Variants in ZCCHC14 observed in about 807,000 individuals in gnomAD.
The protein encoded by ZCCHC14 is zinc finger CCHC domain-containing protein 14.
In ZCCHC14, 16 loss-of-function variants were observed where a neutral mutation model predicts 85.0. The ratio of observed to expected loss-of-function variants is 0.19; its 90% CI spans 0.13 to 0.29. The LOEUF is 0.29. ZCCHC14 is among the 10% of genes least tolerant of loss of function. ZCCHC14 has a pLI of 1.00. For synonymous variants in ZCCHC14, 775 were observed against 630.7 expected (o/e 1.23, Z -3.43); for missense variants, 1,303 against 1,443.5 (o/e 0.90, Z 1.58).
Position 87,412,447 on chromosome 16 carries a change from G to A in ZCCHC14, c.2274C>T (p.Ala758=), listed in dbSNP as rs2042395. 1,141,964 of 1,613,808 alleles carry A rather than the reference G, an allele frequency of 0.71. 422,248 individuals carry two copies. The highest frequency in any genetic ancestry group is 0.76 in the Non-Finnish European group (901,971 of 1,179,972). The change falls in exon 12 of 13, where the codon GCC becomes GCT. Residue 758 remains alanine, a synonymous_variant. Transcript: ENST00000671377. ...GGACTGTGCTGGGCGTCCCCGTGGC[G>A]GCCGTGCTGGTCTCCACGACCAGGG... ...QPALVVETST[A]ATGTPSTVLH... is the part of the protein sequence containing the mutation.
chr16:87,418,067 G>A (rs902058326), intron 7 of ZCCHC14: 4 of 341,936 alleles, frequency 1.2e-5, no homozygotes, highest in South Asian at 1.2e-4. Flanking sequence ...GTATGTGTAC[G>A]TCTCTGTCCC....
intron 8 of ZCCHC14, 99 bp from the exon 9 acceptor site, chr16:87,415,466 G>A (rs1908733318): frequency 9.8e-7 from 1 of 1,023,630 alleles, no homozygotes; most frequent in Admixed American, 2.1e-5. Flanking sequence ...TTCTGCCTCT[G>A]GGATATGCAA....
At chr16:87,490,656 C>CA (rs1912712209) in intron 1 of ZCCHC14, among the ~76,000 whole-genome samples, 1 of 152,212 alleles carries the variant, frequency 6.6e-6, no homozygotes. Context: ...CCCTCCCACT[C>CA]AAAGTCAGCC....
intron 2 of ZCCHC14, among the ~76,000 whole-genome samples, chr16:87,451,199 CTTT>C (rs35771265): frequency 1.5e-5 from 2 of 136,662 alleles, no homozygotes. Context: ...GGCGCCCAGC[CTTT>C]TTTTTTTTTT....
chr16:87,466,340 A>C (rs1451471386), intron 1 of ZCCHC14, among the ~76,000 whole-genome samples: 2 of 152,324 alleles, frequency 1.3e-5, no homozygotes, highest in South Asian at 2.1e-4. Context: ...AGTCAGATGG[A>C]AGCACAGCCC....
intron 9 of ZCCHC14, 59 bp downstream of exon 9, chr16:87,415,217 C>G (rs1433673307): frequency 3.9e-6 from 6 of 1,533,382 alleles, no homozygotes; most frequent in Non-Finnish European, 3.6e-6. Context: ...CCTCAGCACT[C>G]CATTCGGCAC....
At chr16:87,430,026 T>C (rs1211209110) in intron 3 of ZCCHC14, among the ~76,000 whole-genome samples, 1 of 152,270 alleles carries the variant, frequency 6.6e-6, no homozygotes, top group African/African-American at 2.4e-5. Context: ...TTTCATTCTC[T>C]TCATAGCATC....
intron 7 of ZCCHC14, among the ~76,000 whole-genome samples, chr16:87,418,395 A>G (rs1179643575): frequency 6.6e-6 from 1 of 152,192 alleles, no homozygotes; most frequent in Non-Finnish European, 1.5e-5. Flanking sequence ...CCCAGACAAC[A>G]TCTCCACGAG....
chr16:87,444,502 T>C (rs985967052), intron 2 of ZCCHC14, among the ~76,000 whole-genome samples: 11 of 152,334 alleles, frequency 7.2e-5, no homozygotes, highest in Middle Eastern at 3.4e-3. Context: ...AGTTAGAAAG[T>C]AATTTTTACA....
chr16:87,422,848 C>G (rs1223657772), intron 4 of ZCCHC14, among the ~76,000 whole-genome samples: 1 of 152,108 alleles, frequency 6.6e-6, no homozygotes, highest in Non-Finnish European at 1.5e-5. Flanking sequence ...GGGGAAACTA[C>G]ACACAGAGGC....
intron 1 of ZCCHC14, chr16:87,472,156 G>C (rs1227792337): frequency 6.6e-6 from 1 of 152,264 alleles, no homozygotes; most frequent in Non-Finnish European, 1.5e-5. Flanking sequence ...AATAGTGAAA[G>C]TGTCAACCTC....
Position 87,491,453 on chromosome 16 carries a change from G to T in ZCCHC14, c.570+216C>A. Among the ~76,000 whole-genome samples the T allele has an allele frequency of 6.6e-6, 1 of 152,014 alleles. No homozygotes were observed. Among genetic ancestry groups the T allele is most frequent in the African/African-American group, 2.4e-5 (1 of 41,374 alleles). Reference sequence around the variant, plus strand: ...TTGGGATGTACGGTGGAGGCTTGGAGAGGTGGGGCACACATTTGGGGTGCG... The same window carrying T: ...TTGGGATGTACGGTGGAGGCTTGGATAGGTGGGGCACACATTTGGGGTGCG... On this transcript the variant is annotated intron_variant, in intron 1 of 12. Coordinates refer to ENST00000671377, the MANE Select transcript of ZCCHC14 (RefSeq NM_015144.3). The surrounding 1 kb of genome is among the most constrained non-coding windows in gnomAD (Gnocchi z 5.9).
chr16:87,414,931 A>T (rs60156242), intron 9 of ZCCHC14, among the ~76,000 whole-genome samples: 1 of 152,018 alleles, frequency 6.6e-6, no homozygotes, highest in Admixed American at 6.6e-5. Flanking sequence ...AAATACAAAA[A>T]ATTAGCCAGG....
chr16:87,492,254 G>A lies in ZCCHC14; in HGVS notation c.-16C>T, dbSNP rs1343105322. On this transcript the variant is annotated 5_prime_UTR_variant, in exon 1 of 13. Coordinates refer to ENST00000671377, the MANE Select transcript of ZCCHC14 (RefSeq NM_015144.3). The surrounding 1 kb of genome is among the most constrained non-coding windows in gnomAD (Gnocchi z 6.7). ...TCTCCACCATGCTGCCGCCCGCGCC[G>A]CGCCGCGACCCGGGGCCGGGGACCG... 6.5e-5 allele frequency: 64 copies of A among 980,054 alleles called. No homozygotes were observed. The highest frequency in any genetic ancestry group is 7.6e-5 in the Non-Finnish European group (63 of 828,202). The allele number at this position is 980,054 out of a possible 1,614,324, so 60.7% of individuals were successfully genotyped here.
chr16:87,412,676 G>A lies in ZCCHC14; in HGVS notation c.2045C>T (p.Pro682Leu), dbSNP rs978476489. 6.8e-6 allele frequency: 11 copies of A among 1,614,098 alleles called. No individual in the cohort carries two copies. The Admixed American group carries it at 8.3e-5, about 12-fold the overall frequency. ...SLEERNKGSG[P>L]RSSMKVDKSF... ...CTTGTCCACTTTCATGCTGCTTCTT[G>A]GTCCAGATCCTTTATTCCTTTCTTC... Residue 682 changes from proline (P) to leucine (L), a missense_variant, in exon 12 of 13, where the codon CCA becomes CTA. Coordinates refer to ENST00000671377, the MANE Select transcript of ZCCHC14 (RefSeq NM_015144.3).
Position 87,445,437 on chromosome 16 carries a change from C to T in ZCCHC14, c.695-12236G>A, listed in dbSNP as rs537569018. Among the ~76,000 whole-genome samples the T allele has an allele frequency of 1.4e-3, 209 of 152,284 alleles. 2 individuals carry two copies. In the South Asian group the frequency reaches 0.04, roughly 29 times the overall value. On this transcript the variant is annotated intron_variant, in intron 2 of 12. Transcript: ENST00000671377. ...CCATCAGAAGAAAGGCATTGTCTGT[C>T]AGTGCTTATTTTTTTCATTGGAGAG...
chr16:87,486,967 A>G (rs1345560040), intron 1 of ZCCHC14, among the ~76,000 whole-genome samples: 1 of 152,246 alleles, frequency 6.6e-6, no homozygotes. Flanking sequence ...CCCAGAGTTT[A>G]GGGCTAAAGG....
At chr16:87,484,529 G>GT (rs1320109278) in intron 1 of ZCCHC14, among the ~76,000 whole-genome samples, 2 of 152,216 alleles carry the variant, frequency 1.3e-5, no homozygotes, top group East Asian at 3.8e-4. Context: ...CAGCATGTAT[G>GT]TAAGATCCTA....
At chr16:87,429,265 G>A (rs116786282) in intron 3 of ZCCHC14, among the ~76,000 whole-genome samples, 251 of 152,256 alleles carry the variant, frequency 1.6e-3, no homozygotes, top group African/African-American at 5.6e-3. Flanking sequence ...GGTTGACTTA[G>A]CATTTTCCTA....
Sources: allele counts gnomAD v4.1 joint callset (sites outside exome capture counted in the v4.1 genomes callset), GRCh38; gene constraint gnomAD v4.1.1; non-coding constraint Gnocchi (gnomAD v3.1); transcripts MANE v1.5; gene names NCBI Gene and HGNC (gene_info 2026-07-23, HGNC 2026-07-21).